GPR160: variants seen among roughly 807,000 people sequenced by gnomAD.
GPR160 encodes the protein probable G protein-coupled receptor 160.
Under a neutral mutation model 2.6 loss-of-function variants are expected in GPR160, and 2 were observed. That is an observed-to-expected ratio of 0.77 (90% CI 0.32 to 2.44). The LOEUF (loss-of-function observed/expected upper bound fraction) is 2.44, where lower values mean the gene tolerates loss of function less well. Ranked by LOEUF, GPR160 falls within the 30% of genes most tolerant of loss-of-function variation. The pLI, the probability that GPR160 is intolerant of heterozygous loss-of-function variation, is 0.11. For missense variants in GPR160, 351 were observed against 383.6 expected, an observed-to-expected ratio of 0.91 and a Z score of 0.71; for synonymous variants, 130 against 132.2, an observed-to-expected ratio of 0.98 and a Z score of 0.12.
chr3:170,073,984 G>T (rs748261737), intron 2 of GPR160, among the ~76,000 whole-genome samples: 2 of 150,000 alleles, frequency 1.3e-5, no homozygotes, highest in South Asian at 4.2e-4. Flanking sequence ...CGCCTCCTGG[G>T]TTCAAGTGAT....
chr3:170,084,488 T>TCAC lies in GPR160; in HGVS notation c.517_519dup (p.His173dup), dbSNP rs755620447. On this transcript the variant is annotated inframe_insertion, in exon 4 of 4. Coordinates refer to ENST00000355897, the MANE Select transcript of GPR160 (RefSeq NM_014373.3). The stretch of plus-strand genomic sequence containing the variant: ...TGAAGGCACAGAATGCTTATTCTCG[T>TCAC]CACTGTCCTTTCTATGTCAGCATTC... The TCAC allele has an allele frequency of 2.5e-6, 4 of 1,613,742 alleles. No individual in the cohort carries two copies. The Admixed American group carries it at 6.7e-5, about 27-fold the overall frequency.
intron 2 of GPR160, chr3:170,062,625 C>T: frequency 5.8e-6 from 8 of 1,373,990 alleles, no homozygotes; most frequent in Non-Finnish European, 8.2e-6. Flanking sequence ...AAACCTCCGG[C>T]CTCGTCTTGT....
chr3:170,077,649 GAACAATAATGTTA>G (rs1712922730), intron 2 of GPR160: 1 of 152,240 alleles, frequency 6.6e-6, no homozygotes. Flanking sequence ...CTGAAAGGAA[GAACAATAATGTTA>G]ATTACCCGCA....
At position 170,084,848 on chromosome 3, in the gene GPR160, T is replaced by C; in HGVS notation, c.876T>C (p.Tyr292=). The part of the protein sequence containing the change: ...FVNSFLIATV[Y]WFNCHKLNLK... ...ATAGTTTTCTCATTGCTACAGTGTA[T>C]TGGTTTAATTGTCACAAGCTTAATT... Residue 292 remains tyrosine, a synonymous_variant, in exon 4 of 4, where the codon TAT becomes TAC. Transcript: ENST00000355897. 1 of 1,610,456 alleles carries C rather than the reference T, an allele frequency of 6.2e-7. No individual in the cohort carries two copies.
chr3:170,082,494 G>T (rs896065371), intron 3 of GPR160, among the ~76,000 whole-genome samples: 1 of 152,184 alleles, frequency 6.6e-6, no homozygotes, highest in Non-Finnish European at 1.5e-5. Context: ...ATGCTCAAAT[G>T]AAAGTGTGGG....
chr3:170,064,518 T>TCTTTTTC (rs1405891618), intron 2 of GPR160, among the ~76,000 whole-genome samples: 21 of 124,368 alleles, frequency 1.7e-4, no homozygotes, highest in African/African-American at 4.9e-4. Flanking sequence ...TCTTTTCTTT[T>TCTTTTTC]TTTTTTTTTT....
At chr3:170,063,834 C>A (rs975997257) in intron 2 of GPR160, among the ~76,000 whole-genome samples, 2 of 152,102 alleles carry the variant, frequency 1.3e-5, no homozygotes, top group Non-Finnish European at 2.9e-5. Flanking sequence ...TTACTGAGCT[C>A]GTGGCCCTGA....
rs36092632 is a variant in GPR160, at chr3:170,082,973, G to T, written c.-68-932G>T. Among the ~76,000 whole-genome samples the T allele has an allele frequency of 1.4e-3, 190 of 136,406 alleles. 1 individual carries two copies. The highest frequency in any genetic ancestry group is 1.9e-3 in the Non-Finnish European group (120 of 62,974). The allele number at this position is 136,406 out of a possible 152,430, so 89.5% of individuals were successfully genotyped here. On this transcript the variant is annotated intron_variant, in intron 3 of 3. Transcript: ENST00000355897. Reference sequence around the variant, plus strand: ...GTTTGTTGTTCTTGTCATTTTTGGGGTTTTTTTTTTTTTTGGTTTTTGTTT... The same window carrying T: ...GTTTGTTGTTCTTGTCATTTTTGGGTTTTTTTTTTTTTTTGGTTTTTGTTT...
intron 3 of GPR160, among the ~76,000 whole-genome samples, chr3:170,081,401 C>T (rs1327475193): frequency 6.6e-6 from 1 of 152,132 alleles, no homozygotes; most frequent in Admixed American, 6.5e-5. Context: ...GTGGGAAGTA[C>T]TTGTTTGATT....
intron 3 of GPR160, among the ~76,000 whole-genome samples, chr3:170,081,258 T>A (rs923724695): frequency 2.0e-5 from 3 of 151,260 alleles, no homozygotes; most frequent in African/African-American, 7.2e-5. Context: ...ACACCACTTG[T>A]AAGACCAATG....
intron 2 of GPR160, among the ~76,000 whole-genome samples, chr3:170,052,863 T>C (rs1157282373): frequency 2.0e-5 from 3 of 152,228 alleles, no homozygotes; most frequent in Non-Finnish European, 2.9e-5. Context: ...GCTATGCTTG[T>C]GATCTCTCCT....
intron 2 of GPR160, among the ~76,000 whole-genome samples, chr3:170,069,764 T>C (rs917125967): frequency 6.6e-6 from 1 of 152,188 alleles, no homozygotes; most frequent in Non-Finnish European, 1.5e-5. Context: ...TTTTAGTATG[T>C]ATTATTTTAA....
At position 170,084,969 on chromosome 3, in the gene GPR160, A is replaced by T. The variant is rs747932437; in HGVS notation, c.997A>T (p.Ile333Leu). 4 of 1,525,424 alleles carry T rather than the reference A, an allele frequency of 2.6e-6. No individual in the cohort carries two copies. In the South Asian group the frequency reaches 5.0e-5, roughly 19 times the overall value. 94.5% of individuals were successfully genotyped at this position (1,525,424 alleles called of 1,614,324 possible). Residue 333 changes from isoleucine to leucine, a missense_variant, in exon 4 of 4, where the codon ATA (isoleucine) becomes TTA (leucine). Transcript: ENST00000355897. ...IPNLEQIEKP[I>L]SIMIC is the part of the protein sequence containing the mutation. ...TAATCTTGAGCAAATTGAAAAGCCT[A>T]TATCAATAATGATTTGTTAATATTA...
intron 2 of GPR160, among the ~76,000 whole-genome samples, chr3:170,053,500 G>T (rs1717045954): frequency 6.6e-6 from 1 of 152,034 alleles, no homozygotes; most frequent in Non-Finnish European, 1.5e-5. Flanking sequence ...TAGATTTTTT[G>T]TAAGTACCTT....
chr3:170,075,755 C>T (rs1256634008), intron 2 of GPR160, among the ~76,000 whole-genome samples: 1 of 152,210 alleles, frequency 6.6e-6, no homozygotes, highest in East Asian at 1.9e-4. Flanking sequence ...ATGAAGCAGG[C>T]ATGTGGGTGA....
At chr3:170,068,795 G>A (rs1371797886) in intron 2 of GPR160, among the ~76,000 whole-genome samples, 3 of 151,972 alleles carry the variant, frequency 2.0e-5, no homozygotes, top group Non-Finnish European at 4.4e-5. Flanking sequence ...CCTCCAAGTT[G>A]TCTTTTTTCT....
At position 170,084,913 on chromosome 3, in the gene GPR160, G is replaced by A. The variant is rs767804991; in HGVS notation, c.941G>A (p.Trp314Ter). 33 of 1,606,886 alleles carry A rather than the reference G, an allele frequency of 2.1e-5. No homozygotes were observed. The highest frequency in any genetic ancestry group is 2.7e-5 in the Non-Finnish European group (32 of 1,174,584). The change falls in exon 4 of 4, where the codon TGG (tryptophan) becomes TAG (stop). Residue 314 changes from tryptophan (W) to a stop codon, truncating the protein, a stop_gained. Transcript: ENST00000355897. LOFTEE classifies it high-confidence loss of function. ...TTACCTTTGGATCCATTTGTCAACT[G>A]GAAGTGCTGCTTCATTCCACTTACA... Reference protein sequence around the residue: ...IGLPLDPFVNWKCCFIPLTIP... With the variant: ...IGLPLDPFVN
chr3:170,080,182 T>A (rs1008693312), intron 3 of GPR160, among the ~76,000 whole-genome samples: 1 of 152,200 alleles, frequency 6.6e-6, no homozygotes, highest in South Asian at 2.1e-4. Flanking sequence ...AAAATTCAGG[T>A]AGCTTATCAA....
At chr3:170,062,830 A>G (rs1044208327) in intron 2 of GPR160, 2 of 566,254 alleles carry the variant, frequency 3.5e-6, no homozygotes, top group Admixed American at 5.4e-5. Flanking sequence ...GAAAGCGGAA[A>G]GGAAAGAAGG....
Sources: gnomAD v4.1 joint callset for allele counts (sites outside exome capture counted in the v4.1 genomes callset) on GRCh38, gnomAD v4.1.1 for gene constraint, MANE v1.5 for transcripts, NCBI Gene and HGNC (gene_info 2026-07-23, HGNC 2026-07-21) for gene names.